Variants in MFSD2A observed in about 807,000 individuals in gnomAD.
MFSD2A encodes MFSD2 lysolipid transporter A, lysophospholipid.
MFSD2A carries 27 observed loss-of-function variants against 64.7 expected under a neutral mutation model. The ratio of observed to expected loss-of-function variants is 0.42; its 90% CI spans 0.31 to 0.58. The LOEUF is 0.58. MFSD2A is among the 20% of genes least tolerant of loss of function. The pLI is 0.18. For missense variants in MFSD2A, 474 were observed against 679.5 expected (o/e 0.70, Z 3.36); for synonymous variants, 258 against 273.4 (o/e 0.94, Z 0.55).
chr1:39,968,057 G>A lies in MFSD2A; in HGVS notation c.1208+141G>A, dbSNP rs1645202556. 3 of 640,012 alleles carry A rather than the reference G, an allele frequency of 4.7e-6. No individual in the cohort carries two copies. Among genetic ancestry groups the A allele is most frequent in the South Asian group, 2.0e-5 (1 of 51,210 alleles). 39.6% of individuals were successfully genotyped at this position (640,012 alleles called of 1,614,324 possible). A position where few individuals can be genotyped will look rare whatever the true frequency, so the allele number is the denominator to read the frequency against. Reference sequence around the variant, plus strand: ...GTTAGGAGTGGGGGAGGTCTGTCCTGTACAGTTGTACAGGTAGTGAGCTTT... The same window carrying A: ...GTTAGGAGTGGGGGAGGTCTGTCCTATACAGTTGTACAGGTAGTGAGCTTT... On this transcript the variant is annotated intron_variant, in intron 11 of 13. Transcript: ENST00000372811. This position sits in a 1 kb window ranked among gnomAD's most constrained non-coding sequence, Gnocchi z 4.4.
At position 39,968,247 on chromosome 1, in the gene MFSD2A, T is replaced by G; in HGVS notation, c.1209-87T>G. On this transcript the variant is annotated intron_variant, in intron 11 of 13. Transcript: ENST00000372811. This position sits in a 1 kb window ranked among gnomAD's most constrained non-coding sequence, Gnocchi z 4.4. ...TCACTGAGCTGTGTACCCATGGTACTGCAAGCTTCCAGAGGGCCACCTCTT... is the reference window on the plus strand; with the variant it reads ...TCACTGAGCTGTGTACCCATGGTACGGCAAGCTTCCAGAGGGCCACCTCTT... The G allele has an allele frequency of 6.5e-7, 1 of 1,548,058 alleles. No individual in the cohort carries two copies. The highest frequency in any genetic ancestry group is 8.9e-7 in the Non-Finnish European group (1 of 1,126,580).
chr1:39,966,118 G>A, intron 6 of MFSD2A, 104 bp downstream of exon 6: 1 of 1,358,342 alleles, frequency 7.4e-7, no homozygotes, highest in Non-Finnish European at 1.0e-6. Context: ...AATAAATGTT[G>A]GGCATTTGAT....
chr1:39,968,209 A>C lies in MFSD2A; in HGVS notation c.1209-125A>C. On this transcript the variant is annotated intron_variant, in intron 11 of 13. Coordinates refer to ENST00000372811, the MANE Select transcript of MFSD2A (RefSeq NM_032793.5). This position sits in a 1 kb window ranked among gnomAD's most constrained non-coding sequence, Gnocchi z 4.4. ...AAGAGGCCTTTTCTTATTCATGTGAAGGTCCCATATCCTCACTGAGCTGTG... is the reference window on the plus strand; with the variant it reads ...AAGAGGCCTTTTCTTATTCATGTGACGGTCCCATATCCTCACTGAGCTGTG... 1.8e-6 allele frequency: 2 copies of C among 1,125,564 alleles called. No individual in the cohort carries two copies. The highest frequency in any genetic ancestry group is 2.6e-6 in the Non-Finnish European group (2 of 783,476). The allele number at this position is 1,125,564 out of a possible 1,614,324, so 69.7% of individuals were successfully genotyped here. A position where few individuals can be genotyped will look rare whatever the true frequency, so the allele number is the denominator to read the frequency against.
At chr1:39,959,250 CTT>C (rs747125051) in intron 3 of MFSD2A, among the ~76,000 whole-genome samples, 39 of 141,880 alleles carry the variant, frequency 2.7e-4, no homozygotes, top group Admixed American at 3.5e-4. Flanking sequence ...ATCTTTCTTT[CTT>C]TTTTTTTTTT....
At chr1:39,962,544 C>A in intron 3 of MFSD2A, 1 of 588,688 alleles carries the variant, frequency 1.7e-6, no homozygotes. Context: ...GAGAAAACAC[C>A]AAATGGCGGA....
At chr1:39,956,992 C>G (rs1644944485) in intron 1 of MFSD2A, 95 bp from the exon 2 acceptor site, 24 of 1,060,080 alleles carry the variant, frequency 2.3e-5, no homozygotes, top group East Asian at 4.6e-5. Context: ...GTTGTTTGTT[C>G]TGGTAGAGCT....
chr1:39,957,284 CT>C (rs1644952499), intron 2 of MFSD2A, 63 bp downstream of exon 2: 3 of 1,469,234 alleles, frequency 2.0e-6, no homozygotes, highest in African/African-American at 1.4e-5. Flanking sequence ...CTATGCACCC[CT>C]GGGTCAGTTC....
Position 39,969,505 on chromosome 1 carries a change from G to A in MFSD2A, c.1530G>A (p.Arg510=), listed in dbSNP as rs1477953574. Residue 510 remains arginine, a splice_region_variant and synonymous_variant, in exon 14 of 14, where the codon AGG becomes AGA. Transcript: ENST00000372811. ...AACCCATCTCCTCTCTCTCTTGCAG[G>A]GACGAGGCCAGCAGCTCTGGCTGCT... ...RQNKKALQAL[R]DEASSSGCSE... The A allele has an allele frequency of 6.3e-7, 1 of 1,597,650 alleles. No homozygotes were observed. Among genetic ancestry groups the A allele is most frequent in the African/African-American group, 1.4e-5 (1 of 73,556 alleles).
At position 39,968,916 on chromosome 1, in the gene MFSD2A, A is replaced by G. The variant is rs534579516; in HGVS notation, c.1529+171A>G. Among the ~76,000 whole-genome samples, 107 of 152,330 alleles carry G rather than the reference A, an allele frequency of 7.0e-4. 2 individuals are homozygous for G. Among genetic ancestry groups the G allele is most frequent in the Non-Finnish European group, 1.2e-3 (85 of 68,030 alleles). ...TGTTAAGTGGTCTTACCTTTATTCA[A>G]CAAATACATACTGGCTGCCTACTAT... is the stretch of plus-strand genomic sequence containing the variant. On this transcript the variant is annotated intron_variant, in intron 13 of 13. Transcript: ENST00000372811. The surrounding 1 kb of genome is among the most constrained non-coding windows in gnomAD (Gnocchi z 4.4).
At position 39,966,697 on chromosome 1, in the gene MFSD2A, G is replaced by A; in HGVS notation, c.805+6G>A. 1 of 1,613,774 alleles carries A rather than the reference G, an allele frequency of 6.2e-7. No individual in the cohort carries two copies. The highest frequency in any genetic ancestry group is 8.5e-7 in the Non-Finnish European group (1 of 1,179,848). ...GGGCGTGCGGGAGCAGAGAGGTAAG[G>A]GGGTGCCTGGGAAGGGGTGCAGGCC... On this transcript the variant is annotated splice_donor_region_variant and intron_variant, in intron 7 of 13. Transcript: ENST00000372811.
chr1:39,955,530 T>G lies in MFSD2A; in HGVS notation c.93+145T>G. The G allele has an allele frequency of 1.1e-6, 1 of 899,590 alleles. No homozygotes were observed. Among genetic ancestry groups the G allele is most frequent in the East Asian group, 2.7e-5 (1 of 37,464 alleles). The allele number at this position is 899,590 out of a possible 1,614,324, so 55.7% of individuals were successfully genotyped here. On this transcript the variant is annotated intron_variant, in intron 1 of 13. Transcript: ENST00000372811. The surrounding 1 kb of genome is among the most constrained non-coding windows in gnomAD (Gnocchi z 5.9). ...CTACGAGCCAGAGAGGACCTGGGGG[T>G]GCCCTGGGACAGGGGGTGACGGAGA...
Position 39,968,774 on chromosome 1 carries a change from G to A in MFSD2A, c.1529+29G>A, listed in dbSNP as rs774272120. 2.5e-5 allele frequency: 40 copies of A among 1,612,218 alleles called. No homozygotes were observed. The East Asian group carries it at 8.0e-4, about 32-fold the overall frequency. ...AGTGGGGAGGGGACAGGATGCTGGAGGAGGGGACGTCACTGTGTCTAAACC... is the reference window on the plus strand; with the variant it reads ...AGTGGGGAGGGGACAGGATGCTGGAAGAGGGGACGTCACTGTGTCTAAACC... On this transcript the variant is annotated intron_variant, in intron 13 of 13. Transcript: ENST00000372811. This position sits in a 1 kb window ranked among gnomAD's most constrained non-coding sequence, Gnocchi z 4.4.
chr1:39,966,473 A>T, intron 6 of MFSD2A, 128 bp from the exon 7 acceptor site: 2 of 742,742 alleles, frequency 2.7e-6, no homozygotes, highest in Non-Finnish European at 2.3e-6. Flanking sequence ...CCCATTTCAC[A>T]CATGGAGACA....
Position 39,958,554 on chromosome 1 carries a change from G to A in MFSD2A, c.229-147G>A. On this transcript the variant is annotated intron_variant, in intron 2 of 13. Transcript: ENST00000372811. The surrounding 1 kb of genome is among the most constrained non-coding windows in gnomAD (Gnocchi z 4.7). ...GCTATTGTCATTATTAACAAGGCAAGTGAAGATGTGTAAGGTCCATGTGGG... is the reference window on the plus strand; with the variant it reads ...GCTATTGTCATTATTAACAAGGCAAATGAAGATGTGTAAGGTCCATGTGGG... 1.7e-6 allele frequency: 2 copies of A among 1,199,106 alleles called. No individual in the cohort carries two copies. The highest frequency in any genetic ancestry group is 2.6e-5 in the South Asian group (2 of 76,500). The allele number at this position is 1,199,106 out of a possible 1,614,324, so 74.3% of individuals were successfully genotyped here. A position where few individuals can be genotyped will look rare whatever the true frequency, so the allele number is the denominator to read the frequency against.
chr1:39,964,838 C>A lies in MFSD2A; in HGVS notation c.354-373C>A. Reference sequence around the variant, plus strand: ...TGGGGTGTGTGTGTGCGGTTGATGACTATCCGTGTGAGAACACGGGAGTTG... The same window carrying A: ...TGGGGTGTGTGTGTGCGGTTGATGAATATCCGTGTGAGAACACGGGAGTTG... On this transcript the variant is annotated intron_variant, in intron 3 of 13. Coordinates refer to ENST00000372811, the MANE Select transcript of MFSD2A (RefSeq NM_032793.5). This position sits in a 1 kb window ranked among gnomAD's most constrained non-coding sequence, Gnocchi z 4.1. 1 of 273,482 alleles carries A rather than the reference C, an allele frequency of 3.7e-6. No homozygotes were observed. The highest frequency in any genetic ancestry group is 7.0e-6 in the Non-Finnish European group (1 of 142,614). The allele number at this position is 273,482 out of a possible 1,614,324, so 16.9% of individuals were successfully genotyped here.
In MFSD2A at chr1:39,958,787, CA is replaced by C; in HGVS notation, c.318del (p.Lys106AsnfsTer82). The C allele has an allele frequency of 6.2e-7, 1 of 1,613,734 alleles. No individual in the cohort carries two copies. Among genetic ancestry groups the C allele is most frequent in the Non-Finnish European group, 8.5e-7 (1 of 1,179,798 alleles). On this transcript the variant is annotated frameshift_variant, in exon 3 of 14. Coordinates refer to ENST00000372811, the MANE Select transcript of MFSD2A (RefSeq NM_032793.5). LOFTEE classifies it high-confidence loss of function. This position sits in a 1 kb window ranked among gnomAD's most constrained non-coding sequence, Gnocchi z 4.7. ...TDPLVGLCISKSPWTCLGRLM... is the reference protein window; with the variant it reads ...TDPLVGLCISXSPWTCLGRLM... Reference sequence around the variant, plus strand: ...ACCCCCTGGTGGGCCTCTGCATCAGCAAATCCCCCTGGACCTGCCTGGGTCG... The same window carrying C: ...ACCCCCTGGTGGGCCTCTGCATCAGCAATCCCCCTGGACCTGCCTGGGTCG...
Position 39,962,172 on chromosome 1 carries a change from C to T in MFSD2A, c.354-3039C>T, listed in dbSNP as rs575261348. Among the ~76,000 whole-genome samples, 8 of 152,338 alleles carry T rather than the reference C, an allele frequency of 5.3e-5. No homozygotes were observed. The East Asian group carries it at 1.3e-3, about 26-fold the overall frequency. On this transcript the variant is annotated intron_variant, in intron 3 of 13. Coordinates refer to ENST00000372811, the MANE Select transcript of MFSD2A (RefSeq NM_032793.5). ...GCCTCATCTCCTAATTCTATCTCCCCGTTCTCTTTACTCGAGCCCTCCTGG... is the reference window on the plus strand; with the variant it reads ...GCCTCATCTCCTAATTCTATCTCCCTGTTCTCTTTACTCGAGCCCTCCTGG...
At chr1:39,967,009 G>A in intron 8 of MFSD2A, 77 bp downstream of exon 8, 2 of 1,611,242 alleles carry the variant, frequency 1.2e-6, no homozygotes, top group South Asian at 1.1e-5. Context: ...CTGGGGCTTG[G>A]GGGATGTCTT....
Position 39,965,429 on chromosome 1 carries a change from G to A in MFSD2A, c.478-42G>A. 6.2e-7 allele frequency: 1 copy of A among 1,613,520 alleles called. No homozygotes were observed. The highest frequency in any genetic ancestry group is 8.5e-7 in the Non-Finnish European group (1 of 1,179,582). On this transcript the variant is annotated intron_variant, in intron 4 of 13. Coordinates refer to ENST00000372811, the MANE Select transcript of MFSD2A (RefSeq NM_032793.5). This position sits in a 1 kb window ranked among gnomAD's most constrained non-coding sequence, Gnocchi z 5.5. ...TTGGTACTGGAAGCTACATCAGTGT[G>A]TCCACCCGCCTGACCAGCCAATGAC...
Sources: gnomAD v4.1 joint callset for allele counts (sites outside exome capture counted in the v4.1 genomes callset) on GRCh38, gnomAD v4.1.1 for gene constraint, Gnocchi (gnomAD v3.1) non-coding constraint, MANE v1.5 for transcripts, NCBI Gene and HGNC (gene_info 2026-07-23, HGNC 2026-07-21) for gene names.